Variants in PSPC1 observed in about 807,000 individuals in gnomAD.
PSPC1 encodes the protein paraspeckle protein 1.
In PSPC1, 14 loss-of-function variants were observed where a neutral mutation model predicts 51.6. That is an observed-to-expected ratio of 0.27 (90% CI 0.18 to 0.42). The LOEUF (loss-of-function observed/expected upper bound fraction) is 0.42, where lower values mean the gene tolerates loss of function less well. Ranked by LOEUF, PSPC1 falls within the 10% of genes least tolerant of loss-of-function variation. The pLI, the probability that PSPC1 is intolerant of heterozygous loss-of-function variation, is 1.00. For missense variants in PSPC1, 406 were observed against 701.1 expected, an observed-to-expected ratio of 0.58 and a Z score of 4.75; for synonymous variants, 193 against 231.9, an observed-to-expected ratio of 0.83 and a Z score of 1.53.
chr13:19,755,697 C>A (rs1279208466), intron 3 of PSPC1, among the ~76,000 whole-genome samples: 3 of 152,080 alleles, frequency 2.0e-5, no homozygotes, highest in Non-Finnish European at 4.4e-5. Context: ...ATGGTTCTTC[C>A]CCCTATTCCA....
chr13:19,759,417 T>A lies in PSPC1; in HGVS notation c.676A>T (p.Thr226Ser), dbSNP rs1169970121. 3 of 1,612,660 alleles carry A rather than the reference T, an allele frequency of 1.9e-6. No homozygotes were observed. The highest frequency in any genetic ancestry group is 1.7e-6 in the Non-Finnish European group (2 of 1,178,826). Residue 226 changes from threonine (T) to serine (S), a missense_variant and splice_region_variant, in exon 3 of 9, where the codon ACC (threonine) becomes TCC (serine). Transcript: ENST00000338910. ...CGDGAFLLTT[T>S]PRPVIVEPME... ...GGTTCCACAATGACTGGACGAGGGG[T>A]CCTGGATAGGTATAAAAGCATTCAT...
intron 6 of PSPC1, among the ~76,000 whole-genome samples, chr13:19,689,442 T>G (rs1384863089): frequency 6.6e-6 from 1 of 152,208 alleles, no homozygotes; most frequent in Non-Finnish European, 1.5e-5. Flanking sequence ...TTCCATTTAT[T>G]TATGCTCCAA....
intron 5 of PSPC1, 68 bp from the exon 6 acceptor site, chr13:19,730,412 T>C: frequency 1.5e-6 from 2 of 1,364,628 alleles, no homozygotes; most frequent in East Asian, 4.6e-5. Context: ...TTTTACTTCA[T>C]GTAAAATGAA....
At chr13:19,682,512 A>ATTT (rs1877385969) in intron 6 of PSPC1, among the ~76,000 whole-genome samples, 1 of 150,858 alleles carries the variant, frequency 6.6e-6, no homozygotes, top group African/African-American at 2.4e-5. Context: ...AAAAAGCAGT[A>ATTT]TATAAAGGGT....
chr13:19,689,468 T>C (rs893037774), intron 6 of PSPC1, among the ~76,000 whole-genome samples: 1 of 152,222 alleles, frequency 6.6e-6, no homozygotes, highest in Non-Finnish European at 1.5e-5. Flanking sequence ...CTTAAGACTA[T>C]ATATACTACT....
chr13:19,765,074 T>G (rs548832280), intron 2 of PSPC1, among the ~76,000 whole-genome samples: 82 of 152,172 alleles, frequency 5.4e-4, no homozygotes, highest in African/African-American at 1.9e-3. Context: ...TGCATATTTA[T>G]AAGCATGGTT....
chr13:19,708,312 T>C (rs1462411215), intron 7 of PSPC1, among the ~76,000 whole-genome samples: 2 of 152,232 alleles, frequency 1.3e-5, no homozygotes, highest in African/African-American at 2.4e-5. Flanking sequence ...GTTAAGTACA[T>C]TGTTTGCCAT....
intron 6 of PSPC1, among the ~76,000 whole-genome samples, chr13:19,725,920 G>A (rs1456276102): frequency 2.6e-5 from 4 of 152,082 alleles, no homozygotes; most frequent in African/African-American, 4.8e-5. Context: ...CACTATTCAG[G>A]AGACTGAGAC....
chr13:19,747,045 T>C (rs1220909833), intron 4 of PSPC1, among the ~76,000 whole-genome samples: 3 of 151,994 alleles, frequency 2.0e-5, no homozygotes, highest in African/African-American at 7.3e-5. Flanking sequence ...GAGGTGGAGG[T>C]TGCAGTATGC....
intron 6 of PSPC1, among the ~76,000 whole-genome samples, chr13:19,719,526 T>C (rs578181435): frequency 6.6e-6 from 1 of 152,288 alleles, no homozygotes; most frequent in Admixed American, 6.5e-5. Context: ...AGTTGTTACT[T>C]GTTAAATACT....
intron 3 of PSPC1, among the ~76,000 whole-genome samples, chr13:19,752,575 C>A (rs981524610): frequency 2.6e-5 from 4 of 151,408 alleles, no homozygotes; most frequent in Non-Finnish European, 5.9e-5. Context: ...TTTTTTTTCA[C>A]TTTTTTATTT....
intron 7 of PSPC1, among the ~76,000 whole-genome samples, chr13:19,709,158 CAAAAAA>C (rs11446310): frequency 0.011 from 930 of 83,732 alleles, 10 homozygotes; most frequent in African/African-American, 0.042. Flanking sequence ...GGTCCTGCCT[CAAAAAA>C]AAAAAAAAAA....
chr13:19,744,254 G>C (rs1416780191), intron 4 of PSPC1, among the ~76,000 whole-genome samples: 1 of 152,078 alleles, frequency 6.6e-6, no homozygotes, highest in Admixed American at 6.6e-5. Flanking sequence ...TCCCACCTCA[G>C]TCTCCCCAAC....
At chr13:19,781,845 G>T (rs1169748523) in intron 1 of PSPC1, among the ~76,000 whole-genome samples, 1 of 152,212 alleles carries the variant, frequency 6.6e-6, no homozygotes, top group African/African-American at 2.4e-5. Flanking sequence ...AGGTGTGGTT[G>T]AAGCCAAGGA....
At chr13:19,706,497 A>C (rs1273804939) in intron 7 of PSPC1, among the ~76,000 whole-genome samples, 1 of 152,190 alleles carries the variant, frequency 6.6e-6, no homozygotes, top group African/African-American at 2.4e-5. Flanking sequence ...CAGATAAAAT[A>C]TTAATATAGC....
chr13:19,769,525 C>T (rs1224764547), intron 2 of PSPC1, among the ~76,000 whole-genome samples: 5 of 152,104 alleles, frequency 3.3e-5, no homozygotes, highest in Admixed American at 1.3e-4. Context: ...TGCACTCCGG[C>T]CTGGGGGACA....
At chr13:19,749,264 C>T (rs551358634) in intron 4 of PSPC1, among the ~76,000 whole-genome samples, 7 of 152,202 alleles carry the variant, frequency 4.6e-5, no homozygotes, top group African/African-American at 1.7e-4. Context: ...AGGAGGATTA[C>T]TTGAACCCCC....
intron 5 of PSPC1, among the ~76,000 whole-genome samples, chr13:19,732,950 A>T (rs957394549): frequency 6.7e-6 from 1 of 148,922 alleles, no homozygotes; most frequent in African/African-American, 2.5e-5. Flanking sequence ...AAAGAAAAAG[A>T]AAAAAAAAAC....
intron 6 of PSPC1, among the ~76,000 whole-genome samples, chr13:19,694,647 T>C (rs1878993420): frequency 6.6e-6 from 1 of 152,236 alleles, no homozygotes; most frequent in Non-Finnish European, 1.5e-5. Flanking sequence ...GTATGCTTAA[T>C]ATTCTATCAA....
Sources: gnomAD v4.1 joint callset for allele counts (sites outside exome capture counted in the v4.1 genomes callset) on GRCh38, gnomAD v4.1.1 for gene constraint, MANE v1.5 for transcripts, NCBI Gene and HGNC (gene_info 2026-07-23, HGNC 2026-07-21) for gene names.